Variants in CATSPERG observed in about 807,000 individuals in gnomAD.
The protein encoded by CATSPERG is catsper channel auxiliary subunit gamma.
CATSPERG carries 115 observed loss-of-function variants against 145.0 expected under a neutral mutation model. The observed-to-expected ratio is 0.79, with a 90% confidence interval of 0.68 to 0.93. The LOEUF (loss-of-function observed/expected upper bound fraction) is 0.93, where lower values mean the gene tolerates loss of function less well. Among genes scored for constraint, CATSPERG ranks in the 40% least tolerant of loss-of-function variants. The probability of loss-of-function intolerance (pLI) is 0.00; values close to 1 mark genes in which losing one functional copy is unlikely to be tolerated. For missense variants in CATSPERG, 1,296 were observed against 1,490.1 expected (o/e 0.87, Z 2.14); for synonymous variants, 588 against 589.0 (o/e 1.00, Z 0.02).
At chr19:38,355,605 G>A (rs1970229707) in intron 9 of CATSPERG, among the ~76,000 whole-genome samples, 1 of 151,946 alleles carries the variant, frequency 6.6e-6, no homozygotes. Flanking sequence ...GCTGAGGCAT[G>A]AGAATTGCTC....
rs150108032 is a variant in CATSPERG, at chr19:38,346,111, G to A, written c.670-339G>A. On this transcript the variant is annotated intron_variant, in intron 6 of 28. Transcript: ENST00000409235. The stretch of plus-strand genomic sequence containing the variant: ...CAGAAGAAGAGTGCAATATTTAATG[G>A]GATGGTCAAGAAAGGCCTCATTGAG... Among the ~76,000 whole-genome samples, 11 of 152,270 alleles carry A rather than the reference G, an allele frequency of 7.2e-5. No individual in the cohort carries two copies. In the East Asian group the frequency reaches 1.9e-3, roughly 27 times the overall value.
intron 2 of CATSPERG, 26 bp downstream of exon 2, chr19:38,337,530 C>G: frequency 6.4e-7 from 1 of 1,551,958 alleles, no homozygotes; most frequent in Middle Eastern, 1.7e-4. Flanking sequence ...TCAAGTGAAC[C>G]AGAGGGATTT....
chr19:38,358,313 G>T lies in CATSPERG; in HGVS notation c.1351G>T (p.Glu451Ter). 6.2e-7 allele frequency: 1 copy of T among 1,614,182 alleles called. No individual in the cohort carries two copies. ...DDLELLYHIPEFIPEARGLEF... is the reference protein window; with the variant it reads ...DDLELLYHIP ...CCTGGAACTTCTCTACCACATCCCAGAATTCATCCCTGAAGGTAGGAAGGG... is the reference window on the plus strand; with the variant it reads ...CCTGGAACTTCTCTACCACATCCCATAATTCATCCCTGAAGGTAGGAAGGG... The change falls in exon 12 of 29, where the codon GAA becomes TAA. Residue 451 changes from glutamate to a stop codon, truncating the protein, a stop_gained. Coordinates refer to ENST00000409235, the MANE Select transcript of CATSPERG (RefSeq NM_021185.5). LOFTEE classifies it high-confidence loss of function.
rs764276059 is a variant in CATSPERG at position 38,356,884 on chromosome 19, C to T, written c.1315+23C>T. 2.5e-6 allele frequency: 4 copies of T among 1,612,754 alleles called. No homozygotes were observed. In the Admixed American group the frequency reaches 5.0e-5, roughly 20 times the overall value. On this transcript the variant is annotated intron_variant, in intron 11 of 28. Transcript: ENST00000409235. ...CAGGTAATGAGGGTGATGCAAGGGG[C>T]TGGGCACAAAGGGGCAGGATCCCAG...
intron 8 of CATSPERG, among the ~76,000 whole-genome samples, chr19:38,353,873 T>C (rs1250460964): frequency 5.4e-5 from 8 of 148,736 alleles, no homozygotes; most frequent in Non-Finnish European, 1.2e-4. Flanking sequence ...GTGCCTGTAC[T>C]CCCAGCTTCT....
Position 38,362,272 on chromosome 19 carries a change from G to A in CATSPERG, c.2157G>A (p.Gln719=), listed in dbSNP as rs1261849328. The A allele has an allele frequency of 1.2e-5, 19 of 1,613,396 alleles. No individual in the cohort carries two copies. Among genetic ancestry groups the A allele is most frequent in the Non-Finnish European group, 1.4e-5 (17 of 1,179,708 alleles). The change falls in exon 18 of 29, where the codon CAG becomes CAA. Residue 719 remains glutamine, a splice_region_variant and synonymous_variant. Transcript: ENST00000409235. The part of the protein sequence containing the change: ...WRWWANNKQD[Q]DYYFFLASNW... ...GGTGGGCGAACAACAAACAAGACCAGGTAGGCGGAGCGGATTGGGAGCCGG... is the reference window on the plus strand; with the variant it reads ...GGTGGGCGAACAACAAACAAGACCAAGTAGGCGGAGCGGATTGGGAGCCGG...
At chr19:38,357,537 C>A (rs965826410) in intron 11 of CATSPERG, among the ~76,000 whole-genome samples, 5 of 138,558 alleles carry the variant, frequency 3.6e-5, no homozygotes, top group Admixed American at 7.7e-5. Context: ...AAGAGCAGAG[C>A]CAGGCGTGGT....
intron 13 of CATSPERG, 31 bp from the exon 14 acceptor site, chr19:38,359,439 T>A (rs1970305389): frequency 6.8e-7 from 1 of 1,464,104 alleles, no homozygotes; most frequent in Admixed American, 1.7e-5. Flanking sequence ...CTGTCCAGCA[T>A]GCGCCTAGCT....
At chr19:38,356,363 A>G (rs1045767161) in intron 9 of CATSPERG, 121 bp from the exon 10 acceptor site, 15 of 805,634 alleles carry the variant, frequency 1.9e-5, no homozygotes, top group Middle Eastern at 2.5e-4. Context: ...ACGAAAGGCC[A>G]GAGAATGAGA....
At chr19:38,365,298 A>G in intron 22 of CATSPERG, 181 bp downstream of exon 22, 1 of 608,980 alleles carries the variant, frequency 1.6e-6, no homozygotes, top group Non-Finnish European at 2.9e-6. Flanking sequence ...TTTCTTTAAG[A>G]CGGAGTTTCA....
chr19:38,355,263 T>C (rs113632942), intron 9 of CATSPERG, among the ~76,000 whole-genome samples: 5 of 151,932 alleles, frequency 3.3e-5, no homozygotes, highest in Non-Finnish European at 4.4e-5. Flanking sequence ...GAGAGTCACT[T>C]GAACCCAGGA....
rs780366843 is a variant in CATSPERG, at chr19:38,370,758, C to T, written c.3446C>T (p.Pro1149Leu). The T allele has an allele frequency of 6.2e-7, 1 of 1,614,002 alleles. No homozygotes were observed. Among genetic ancestry groups the T allele is most frequent in the South Asian group, 1.1e-5 (1 of 91,084 alleles). ...AGGATGACAGAGGACAGGGCTGAAC[C>T]CAAGGAAGCCGTGGAGAGACAGTTG... The part of the protein sequence containing the change: ...SSRMTEDRAE[P>L]KEAVERQLMT Residue 1149 changes from proline to leucine, a missense_variant, in exon 29 of 29, where the codon CCC (proline) becomes CTC (leucine). Transcript: ENST00000409235.
intron 8 of CATSPERG, 43 bp downstream of exon 8, chr19:38,352,475 T>A: frequency 6.5e-7 from 1 of 1,539,368 alleles, no homozygotes; most frequent in Non-Finnish European, 8.8e-7. Flanking sequence ...GAGGGCACCC[T>A]GGTGAACCCC....
Position 38,346,527 on chromosome 19 carries a change from G to T in CATSPERG, c.747G>T (p.Val249=). 6.4e-7 allele frequency: 1 copy of T among 1,551,664 alleles called. No individual in the cohort carries two copies. Among genetic ancestry groups the T allele is most frequent in the Non-Finnish European group, 8.7e-7 (1 of 1,146,942 alleles). ...PLWHTVDQSP[V]LILGGIPNEK... is the part of the protein sequence containing the mutation. ...GGCACACTGTGGACCAGTCACCTGT[G>T]CTTATCCTGGGAGGCATTCCCAATG... is the stretch of plus-strand genomic sequence containing the variant. The change falls in exon 7 of 29, where the codon GTG becomes GTT. Residue 249 remains valine, a synonymous_variant. Coordinates refer to ENST00000409235, the MANE Select transcript of CATSPERG (RefSeq NM_021185.5).
Position 38,362,234 on chromosome 19 carries a change from C to A in CATSPERG, c.2119C>A (p.Pro707Thr). The A allele has an allele frequency of 6.2e-7, 1 of 1,609,376 alleles. No homozygotes were observed. Among genetic ancestry groups the A allele is most frequent in the South Asian group, 1.1e-5 (1 of 90,656 alleles). Residue 707 changes from proline (P) to threonine (T), a missense_variant, in exon 18 of 29, where the codon CCC (proline) becomes ACC (threonine). Transcript: ENST00000409235. ...GCCGTACGCGGACCCGGTGCACGAC[C>A]CCACCTGGCGCTGGTGGGCGAACAA... ...DKPYADPVHDPTWRWWANNKQ... is the reference protein window; with the variant it reads ...DKPYADPVHDTTWRWWANNKQ...
Position 38,367,972 on chromosome 19 carries a change from CCA to C in CATSPERG, c.2931-72_2931-71del, listed in dbSNP as rs1192696016. ...CCCTGCACCCACCTGTGGCCTCCCT[CCA>C]CACTGACCACTGAGGTCATACCTCC... On this transcript the variant is annotated intron_variant, in intron 25 of 28. Transcript: ENST00000409235. 4 of 1,403,602 alleles carry C rather than the reference CCA, an allele frequency of 2.8e-6. No homozygotes were observed. In the African/African-American group the frequency reaches 5.7e-5, roughly 20 times the overall value. The allele number at this position is 1,403,602 out of a possible 1,614,324, so 86.9% of individuals were successfully genotyped here. A position where few individuals can be genotyped will look rare whatever the true frequency, so the allele number is the denominator to read the frequency against.
rs528275542 is a variant in CATSPERG, at chr19:38,361,886, A to G, written c.2094+25A>G. ...GGTGGGCGTCCGGCGGCGGGCGGGC[A>G]GGCCTGAGACGGGACTGGGGCAGCC... On this transcript the variant is annotated intron_variant, in intron 17 of 28. Coordinates refer to ENST00000409235, the MANE Select transcript of CATSPERG (RefSeq NM_021185.5). 2,146 of 1,567,484 alleles carry G rather than the reference A, an allele frequency of 1.4e-3. 7 individuals carry two copies. The highest frequency in any genetic ancestry group is 5.4e-3 in the Middle Eastern group (32 of 5,926).
chr19:38,356,624 C>T, intron 10 of CATSPERG, 81 bp downstream of exon 10: 1 of 1,586,862 alleles, frequency 6.3e-7, no homozygotes, highest in Non-Finnish European at 8.6e-7. Context: ...TGGCAGGGGT[C>T]ATGGGAAAGA....
At chr19:38,357,951 C>CG (rs994201250) in intron 11 of CATSPERG, 2 of 255,668 alleles carry the variant, frequency 7.8e-6, no homozygotes, top group South Asian at 6.2e-5. Flanking sequence ...GACTCCATCT[C>CG]GAAAAAAAAA....
Sources: gnomAD v4.1 joint callset for allele counts (sites outside exome capture counted in the v4.1 genomes callset) on GRCh38, gnomAD v4.1.1 for gene constraint, MANE v1.5 for transcripts, NCBI Gene and HGNC (gene_info 2026-07-23, HGNC 2026-07-21) for gene names.